The following KCNIP4 variants were observed in gnomAD, a reference collection of about 807,000 sequenced individuals.
KCNIP4 encodes Kv channel-interacting protein 4.
A neutral mutation model predicts 34.0 loss-of-function variants in KCNIP4; 12 were observed. The ratio of observed to expected loss-of-function variants is 0.35; its 90% CI spans 0.23 to 0.57. The LOEUF is 0.57. Among genes scored for constraint, KCNIP4 ranks in the 20% least tolerant of loss-of-function variants. The pLI is 0.83. For missense variants in KCNIP4, 238 were observed against 311.7 expected (o/e 0.76, Z 1.78); for synonymous variants, 124 against 102.2 (o/e 1.21, Z -1.29).
Position 21,018,610 on chromosome 4 carries a change from A to G in KCNIP4, c.62-135901T>C, listed in dbSNP as rs138217982. 1.1e-3 allele frequency among the ~76,000 whole-genome samples: 164 copies of G among 152,204 alleles called. No homozygotes were observed. The Middle Eastern group carries it at 0.017, about 16-fold the overall frequency. ...CTGAAAGATTGCTGAACCTATTGAC[A>G]CTGCACGGTGGTCTAGATCACTTCC... On this transcript the variant is annotated intron_variant, in intron 1 of 8. Transcript: ENST00000382152.
At chr4:21,424,501 G>C (rs1725771241) in intron 1 of KCNIP4, among the ~76,000 whole-genome samples, 1 of 151,992 alleles carries the variant, frequency 6.6e-6, no homozygotes, top group Admixed American at 6.6e-5. Context: ...GAACCCGGGA[G>C]GTGGAGGTTG....
chr4:21,880,905 G>A (rs1726423726), intron 1 of KCNIP4, among the ~76,000 whole-genome samples: 1 of 151,950 alleles, frequency 6.6e-6, no homozygotes, highest in Admixed American at 6.6e-5. Context: ...ATTTGTCAAG[G>A]GCAAAACTAA....
intron 1 of KCNIP4, among the ~76,000 whole-genome samples, chr4:21,237,453 G>A (rs1333098300): frequency 6.6e-6 from 1 of 151,904 alleles, no homozygotes; most frequent in Non-Finnish European, 1.5e-5. Context: ...TTAATTCCTG[G>A]TCCTATCAAG....
intron 1 of KCNIP4, among the ~76,000 whole-genome samples, chr4:21,614,474 CTA>C (rs896733961): frequency 6.8e-6 from 1 of 147,014 alleles, no homozygotes; most frequent in African/African-American, 2.5e-5. Flanking sequence ...AAATATTGAG[CTA>C]TATATATATA....
chr4:21,157,667 T>C (rs1753242547), intron 1 of KCNIP4, among the ~76,000 whole-genome samples: 1 of 152,162 alleles, frequency 6.6e-6, no homozygotes, highest in Non-Finnish European at 1.5e-5. Flanking sequence ...AGCAGGATTC[T>C]ACTAATGCAA....
At chr4:21,125,221 A>ATTTTG (rs1750522060) in intron 1 of KCNIP4, among the ~76,000 whole-genome samples, 1 of 146,886 alleles carries the variant, frequency 6.8e-6, no homozygotes, top group Non-Finnish European at 1.5e-5. Context: ...ATTTTATTTT[A>ATTTTG]TTTTATTTTA....
chr4:21,644,310 G>C (rs1222263207), intron 1 of KCNIP4, among the ~76,000 whole-genome samples: 1 of 152,014 alleles, frequency 6.6e-6, no homozygotes, highest in African/African-American at 2.4e-5. Flanking sequence ...TTCCAATAAG[G>C]TAAGCTTACA....
chr4:21,149,002 T>C (rs1259378257), intron 1 of KCNIP4, among the ~76,000 whole-genome samples: 2 of 152,194 alleles, frequency 1.3e-5, no homozygotes, highest in Admixed American at 1.3e-4. Context: ...AGTAGCTTTA[T>C]TTGAACCAAA....
chr4:21,326,158 A>G (rs1715014099), intron 1 of KCNIP4, among the ~76,000 whole-genome samples: 1 of 151,778 alleles, frequency 6.6e-6, no homozygotes, highest in Admixed American at 6.6e-5. Flanking sequence ...TTTTCTGTCT[A>G]GATGATCAGT....
At chr4:21,786,448 A>T (rs1410156071) in intron 1 of KCNIP4, among the ~76,000 whole-genome samples, 1 of 152,184 alleles carries the variant, frequency 6.6e-6, no homozygotes, top group Admixed American at 6.5e-5. Context: ...TTATTGCCAT[A>T]CTGGCAAGTA....
In KCNIP4 at chr4:21,938,793, G is replaced by A. The variant is rs372130517; in HGVS notation, c.61+9778C>T. 2.6e-4 allele frequency among the ~76,000 whole-genome samples: 39 copies of A among 152,164 alleles called. No homozygotes were observed. In the South Asian group the frequency reaches 7.3e-3, roughly 28 times the overall value. On this transcript the variant is annotated intron_variant, in intron 1 of 8. Transcript: ENST00000382152. ...ACGCTGTGTAATTAATACACAATTT[G>A]GGTCAAGTAGAATTCTGGGGTAGAG...
intron 1 of KCNIP4, among the ~76,000 whole-genome samples, chr4:21,738,757 C>A (rs1716193943): frequency 6.6e-6 from 1 of 152,104 alleles, no homozygotes; most frequent in African/African-American, 2.4e-5. Context: ...CTGGCCATTT[C>A]CCCTGTCTTC....
chr4:20,741,759 C>CA (rs1193384681), intron 5 of KCNIP4, among the ~76,000 whole-genome samples: 8 of 151,980 alleles, frequency 5.3e-5, no homozygotes, highest in East Asian at 1.9e-4. Flanking sequence ...AAAAACCCTT[C>CA]AAAAAATCAA....
chr4:21,633,547 T>C (rs1745909594), intron 1 of KCNIP4, among the ~76,000 whole-genome samples: 2 of 152,092 alleles, frequency 1.3e-5, no homozygotes, highest in African/African-American at 4.8e-5. Flanking sequence ...GACAATTAAA[T>C]GAGAGAGAAA....
intron 1 of KCNIP4, among the ~76,000 whole-genome samples, chr4:21,642,960 C>T (rs1316654542): frequency 6.6e-6 from 1 of 152,016 alleles, no homozygotes; most frequent in East Asian, 1.9e-4. Flanking sequence ...CTACTAAAGG[C>T]CTAGATCCCT....
chr4:20,966,462 A>G (rs187033493), intron 1 of KCNIP4, among the ~76,000 whole-genome samples: 1 of 152,246 alleles, frequency 6.6e-6, no homozygotes, highest in Admixed American at 6.5e-5. Context: ...TTTAGAAAAT[A>G]AAAAAAGAAC....
At position 21,619,071 on chromosome 4, in the gene KCNIP4, AC is replaced by A. The variant is rs572040729; in HGVS notation, c.61+329499del. Among the ~76,000 whole-genome samples the A allele has an allele frequency of 1.1e-4, 16 of 152,242 alleles. No homozygotes were observed. In the South Asian group the frequency reaches 2.9e-3, roughly 28 times the overall value. Reference sequence around the variant, plus strand: ...CAACAATACCAACTATACACTGCTCACCCGATAAGTGAGACTCAATACATGT... The same window carrying A: ...CAACAATACCAACTATACACTGCTCACCGATAAGTGAGACTCAATACATGT... On this transcript the variant is annotated intron_variant, in intron 1 of 8. Coordinates refer to ENST00000382152, the MANE Select transcript of KCNIP4 (RefSeq NM_025221.6).
intron 1 of KCNIP4, among the ~76,000 whole-genome samples, chr4:21,040,423 T>C (rs1741857084): frequency 6.6e-6 from 1 of 152,186 alleles, no homozygotes; most frequent in Non-Finnish European, 1.5e-5. Context: ...AGCTGGCTAT[T>C]TTCCAGAAAT....
At chr4:20,837,200 G>T (rs1198572407) in intron 3 of KCNIP4, among the ~76,000 whole-genome samples, 1 of 151,416 alleles carries the variant, frequency 6.6e-6, no homozygotes, top group Admixed American at 6.7e-5. Context: ...GAATAGACAA[G>T]AAAATAACTG....
Sources: gnomAD v4.1 joint callset for allele counts (sites outside exome capture counted in the v4.1 genomes callset) on GRCh38, gnomAD v4.1.1 for gene constraint, MANE v1.5 for transcripts, NCBI Gene and HGNC (gene_info 2026-07-23, HGNC 2026-07-21) for gene names.